Variants in STX17 observed in about 807,000 individuals in gnomAD.
The protein encoded by STX17 is syntaxin 17.
A neutral mutation model predicts 35.9 loss-of-function variants in STX17; 29 were observed. That is an observed-to-expected ratio of 0.81 (90% CI 0.60 to 1.10). STX17 has a LOEUF of 1.10. Ranked by LOEUF, STX17 falls within the 50% of genes least tolerant of loss-of-function variation. The pLI, the probability that STX17 is intolerant of heterozygous loss-of-function variation, is 0.00. For synonymous variants in STX17, 92 were observed against 118.3 expected (o/e 0.78, Z 1.44); for missense variants, 312 against 352.3 (o/e 0.89, Z 0.92).
At chr9:99,929,052 T>C (rs1035810336) in intron 3 of STX17, 4 of 485,100 alleles carry the variant, frequency 8.2e-6, no homozygotes, top group Admixed American at 3.5e-5. Context: ...CCAGAAATGA[T>C]ACACAGACTT....
intron 4 of STX17, among the ~76,000 whole-genome samples, chr9:99,953,227 A>T (rs189938214): frequency 6.6e-6 from 1 of 152,212 alleles, no homozygotes; most frequent in East Asian, 1.9e-4. Flanking sequence ...CATTTAGGCC[A>T]CTAGTCAGAG....
chr9:99,946,842 C>T (rs779434640), intron 3 of STX17, among the ~76,000 whole-genome samples: 1 of 152,094 alleles, frequency 6.6e-6, no homozygotes, highest in South Asian at 2.1e-4. Flanking sequence ...GTTGAGAAGT[C>T]GTATTATAAT....
chr9:99,938,870 A>C (rs2416941), intron 3 of STX17, among the ~76,000 whole-genome samples: 104,365 of 150,356 alleles, frequency 0.69, 36,518 homozygotes, highest in African/African-American at 0.75. Context: ...TCGGCCTGAG[A>C]TTTTTCTTCA....
intron 6 of STX17, among the ~76,000 whole-genome samples, chr9:99,964,771 G>T (rs1182770865): frequency 2.0e-5 from 3 of 152,128 alleles, no homozygotes; most frequent in African/African-American, 7.2e-5. Context: ...TGGACAGGTA[G>T]TGACCCAATT....
In STX17 at chr9:99,915,355, T is replaced by C. The variant is rs1376688434; in HGVS notation, c.116T>C (p.Ile39Thr). 1 of 1,596,974 alleles carries C rather than the reference T, an allele frequency of 6.3e-7. No individual in the cohort carries two copies. Among genetic ancestry groups the C allele is most frequent in the East Asian group, 2.3e-5 (1 of 44,068 alleles). The change falls in exon 2 of 8, where the codon ATT (isoleucine) becomes ACT (threonine). Residue 39 changes from isoleucine (I) to threonine (T), a missense_variant. Transcript: ENST00000259400. The part of the protein sequence containing the change: ...LERLRKHQIN[I>T]EKYQRCRIWD... ...AGGTTAAGAAAGCACCAGATAAATA[T>C]TGAGAAGGTGAGCTGTTTCATTTAC...
intron 3 of STX17, among the ~76,000 whole-genome samples, chr9:99,941,795 A>T (rs958041451): frequency 6.6e-6 from 1 of 152,136 alleles, no homozygotes; most frequent in South Asian, 2.1e-4. Flanking sequence ...CTGGCTTGTC[A>T]TTTACCTGTG....
chr9:99,918,343 C>T (rs960591747), intron 2 of STX17, among the ~76,000 whole-genome samples: 4 of 152,106 alleles, frequency 2.6e-5, no homozygotes, highest in African/African-American at 9.7e-5. Context: ...GCTGCCCAGG[C>T]CTATCTCATC....
chr9:99,927,356 C>T (rs1391181260), intron 2 of STX17, among the ~76,000 whole-genome samples: 1 of 152,190 alleles, frequency 6.6e-6, no homozygotes, highest in Admixed American at 6.5e-5. Context: ...AGCTTTCACA[C>T]TGGATCTGAT....
chr9:99,940,191 C>T (rs1440687970), intron 3 of STX17, among the ~76,000 whole-genome samples: 2 of 152,076 alleles, frequency 1.3e-5, no homozygotes, highest in Admixed American at 6.5e-5. Context: ...AGTTCAGTGG[C>T]ACGATCTCAG....
At chr9:99,954,433 G>T (rs370232351) in intron 4 of STX17, among the ~76,000 whole-genome samples, 28 of 151,956 alleles carry the variant, frequency 1.8e-4, no homozygotes, top group Middle Eastern at 3.4e-3. Flanking sequence ...CTCAAGTCCA[G>T]AAATATTATT....
At chr9:99,947,868 C>T (rs1350633837) in intron 3 of STX17, among the ~76,000 whole-genome samples, 1 of 152,034 alleles carries the variant, frequency 6.6e-6, no homozygotes, top group African/African-American at 2.4e-5. Flanking sequence ...TCAGGACTCA[C>T]CTCTCTAGAT....
rs1307476936 is a variant in STX17, at chr9:99,971,757, A to C, written c.*3084A>C. 6.6e-6 allele frequency among the ~76,000 whole-genome samples: 1 copy of C among 152,266 alleles called. No homozygotes were observed. The highest frequency in any genetic ancestry group is 2.4e-5 in the African/African-American group (1 of 41,476). On this transcript the variant is annotated 3_prime_UTR_variant, in exon 8 of 8. Transcript: ENST00000259400. ...AGATGGGGGTTGGGGGCAGGGGCTCATGCCTGCAATCCCAGCACTTAGGGA... is the reference window on the plus strand; with the variant it reads ...AGATGGGGGTTGGGGGCAGGGGCTCCTGCCTGCAATCCCAGCACTTAGGGA...
At chr9:99,937,010 C>T (rs558500429) in intron 3 of STX17, among the ~76,000 whole-genome samples, 184 of 152,084 alleles carry the variant, frequency 1.2e-3, no homozygotes, top group Non-Finnish European at 1.8e-3. Flanking sequence ...GTTTTTATTT[C>T]GCCATTGTTT....
chr9:99,913,105 C>G (rs901033476), intron 1 of STX17, among the ~76,000 whole-genome samples: 3 of 151,902 alleles, frequency 2.0e-5, no homozygotes, highest in Non-Finnish European at 2.9e-5. Context: ...TCTTTTATGT[C>G]TCATTTTTTT....
In STX17 at chr9:99,968,427, T is replaced by C; in HGVS notation, c.670-7T>C. ...GTTTCTAAATTGAATTTTTTTTTTTTTTACAGGCTGCAAAATACAAGCTGG... is the reference window on the plus strand; with the variant it reads ...GTTTCTAAATTGAATTTTTTTTTTTCTTACAGGCTGCAAAATACAAGCTGG... On this transcript the variant is annotated splice_polypyrimidine_tract_variant and splice_region_variant and intron_variant, in intron 7 of 7. Transcript: ENST00000259400. 6.6e-7 allele frequency: 1 copy of C among 1,524,898 alleles called. No homozygotes were observed. Among genetic ancestry groups the C allele is most frequent in the Non-Finnish European group, 8.8e-7 (1 of 1,139,856 alleles). 94.5% of individuals were successfully genotyped at this position (1,524,898 alleles called of 1,614,324 possible).
chr9:99,949,413 T>C (rs954486927), intron 3 of STX17, among the ~76,000 whole-genome samples: 6 of 151,986 alleles, frequency 3.9e-5, no homozygotes, highest in Non-Finnish European at 7.4e-5. Context: ...AAATGGAAAC[T>C]TTAGATTGTA....
chr9:99,924,690 T>G (rs1297727620), intron 2 of STX17, among the ~76,000 whole-genome samples: 4 of 152,204 alleles, frequency 2.6e-5, no homozygotes, highest in African/African-American at 7.2e-5. Flanking sequence ...ATGTAGACAA[T>G]CATGTAATCT....
At chr9:99,908,254 T>TGGG (rs36009095) in intron 1 of STX17, among the ~76,000 whole-genome samples, 1 of 151,968 alleles carries the variant, frequency 6.6e-6, no homozygotes, top group South Asian at 2.1e-4. Context: ...ATTGACATCT[T>TGGG]GGGGGGGAGC....
At chr9:99,920,790 C>T (rs1021636557) in intron 2 of STX17, among the ~76,000 whole-genome samples, 5 of 148,874 alleles carry the variant, frequency 3.4e-5, no homozygotes, top group Non-Finnish European at 7.6e-5. Context: ...TTTTTCTCCT[C>T]CTCAAATATT....
Sources: gnomAD v4.1 joint callset for allele counts (sites outside exome capture counted in the v4.1 genomes callset) on GRCh38, gnomAD v4.1.1 for gene constraint, MANE v1.5 for transcripts, NCBI Gene and HGNC (gene_info 2026-07-23, HGNC 2026-07-21) for gene names.